The following CTNNA2 variants were observed in gnomAD, a reference collection of about 807,000 sequenced individuals.
The protein encoded by CTNNA2 is catenin alpha-2.
A neutral mutation model predicts 101.0 loss-of-function variants in CTNNA2; 42 were observed. That is an observed-to-expected ratio of 0.42 (90% confidence interval 0.32 to 0.54). The LOEUF (loss-of-function observed/expected upper bound fraction) is 0.54. Ranked by LOEUF, CTNNA2 falls within the 20% of genes least tolerant of loss-of-function variation. The pLI is 0.14. For synonymous variants in CTNNA2, 450 were observed against 456.4 expected (o/e 0.99, Z 0.18); for missense variants, 871 against 1,223.1 (o/e 0.71, Z 4.29).
At chr2:79,516,621 T>A (rs956094074) in intron 1 of CTNNA2, among the ~76,000 whole-genome samples, 1 of 152,164 alleles carries the variant, frequency 6.6e-6, no homozygotes, top group African/African-American at 2.4e-5. Context: ...TAGTGTGGGA[T>A]CCATTTCATT....
chr2:80,199,353 GT>G (rs1356012042), intron 7 of CTNNA2, among the ~76,000 whole-genome samples: 1 of 151,050 alleles, frequency 6.6e-6, no homozygotes, highest in Non-Finnish European at 1.5e-5. Flanking sequence ...ATTGAAGAGA[GT>G]TAAGACATAG....
chr2:79,775,569 C>G (rs1430491358), intron 3 of CTNNA2, among the ~76,000 whole-genome samples: 2 of 152,042 alleles, frequency 1.3e-5, no homozygotes, highest in Non-Finnish European at 2.9e-5. Flanking sequence ...CAACCAATCA[C>G]CAAGGTATTA....
chr2:80,553,113 A>G (rs1383977054), intron 11 of CTNNA2, among the ~76,000 whole-genome samples: 2 of 151,374 alleles, frequency 1.3e-5, no homozygotes, highest in Non-Finnish European at 2.9e-5. Context: ...AATCCCATCT[A>G]CTTGGGAGGC....
chr2:79,838,242 G>A (rs766707667), intron 3 of CTNNA2, among the ~76,000 whole-genome samples: 1 of 152,128 alleles, frequency 6.6e-6, no homozygotes, highest in Non-Finnish European at 1.5e-5. Flanking sequence ...GATTTAAAGT[G>A]TATTATTTGG....
chr2:79,278,441 C>A (rs548789737), intron 2 of CTNNA2, among the ~76,000 whole-genome samples: 5 of 151,644 alleles, frequency 3.3e-5, no homozygotes, highest in African/African-American at 1.2e-4. Context: ...ATTGTAGGGA[C>A]AGCAAAAGCA....
rs578251247 is a variant in CTNNA2 at position 79,221,638 on chromosome 2, T to G, written c.-406+23562T>G. Among the ~76,000 whole-genome samples, 189 of 152,250 alleles carry G rather than the reference T, an allele frequency of 1.2e-3. 3 individuals carry two copies. Among genetic ancestry groups the G allele is most frequent in the Non-Finnish European group, 6.3e-4 (43 of 68,022 alleles). On this transcript the variant is annotated intron_variant, in intron 2 of 21. Coordinates refer to the CTNNA2 transcript ENST00000466387. ...TTTTAAAAAACTGACAAGTCTGTAT[T>G]GTCTCCAGTAGCAAAGACTCACTAG...
intron 7 of CTNNA2, among the ~76,000 whole-genome samples, chr2:79,936,366 G>A (rs1179157680): frequency 6.6e-6 from 1 of 151,854 alleles, no homozygotes; most frequent in Admixed American, 6.6e-5. Context: ...TCATACCTGT[G>A]AAAGGAGGAA....
intron 2 of CTNNA2, among the ~76,000 whole-genome samples, chr2:79,673,140 T>G (rs1362120631): frequency 6.6e-6 from 1 of 152,250 alleles, no homozygotes; most frequent in East Asian, 1.9e-4. Flanking sequence ...GTTTCTAAGA[T>G]TTTTTAAACT....
chr2:79,892,425 A>C (rs185485445), intron 6 of CTNNA2, among the ~76,000 whole-genome samples: 70 of 152,200 alleles, frequency 4.6e-4, no homozygotes, highest in Admixed American at 9.8e-4. Context: ...TTAAAAAAAA[A>C]CCCCACAAAA....
intron 7 of CTNNA2, among the ~76,000 whole-genome samples, chr2:80,146,040 C>T (rs528640125): frequency 6.6e-6 from 1 of 152,298 alleles, no homozygotes; most frequent in East Asian, 1.9e-4. Context: ...GCGGTGGCTG[C>T]TTCCAGCCAT....
At chr2:80,230,234 G>GTC (rs1050180543) in intron 7 of CTNNA2, among the ~76,000 whole-genome samples, 35 of 143,608 alleles carry the variant, frequency 2.4e-4, no homozygotes, top group Middle Eastern at 3.7e-3. Context: ...ATATTTCTTT[G>GTC]TCTCTCTCTC....
chr2:79,727,261 A>G (rs1686904629), intron 2 of CTNNA2, among the ~76,000 whole-genome samples: 1 of 152,210 alleles, frequency 6.6e-6, no homozygotes, highest in Admixed American at 6.5e-5. Context: ...AGCTTGTTAA[A>G]AACACATGAA....
chr2:79,410,766 T>A (rs946564445), intron 4 of CTNNA2, among the ~76,000 whole-genome samples: 1 of 149,272 alleles, frequency 6.7e-6, no homozygotes, highest in Admixed American at 6.7e-5. Flanking sequence ...ATTCTCTTTT[T>A]TGGTTGTGTC....
At chr2:80,539,103 C>T (rs543914472) in intron 9 of CTNNA2, among the ~76,000 whole-genome samples, 101 of 152,138 alleles carry the variant, frequency 6.6e-4, no homozygotes, top group Non-Finnish European at 1.1e-3. Flanking sequence ...ACTGTAACCT[C>T]CACCTCCTCA....
chr2:80,518,079 C>T (rs948015294), intron 9 of CTNNA2, among the ~76,000 whole-genome samples: 1 of 152,200 alleles, frequency 6.6e-6, no homozygotes, highest in Non-Finnish European at 1.5e-5. Flanking sequence ...GAAATGCTGT[C>T]CTTCACTCAA....
chr2:80,271,897 A>T (rs78418899), intron 7 of CTNNA2, among the ~76,000 whole-genome samples: 2,501 of 152,340 alleles, frequency 0.016, 35 homozygotes, highest in South Asian at 0.028. Flanking sequence ...AGAGGATTTC[A>T]TCTGGCCATT....
chr2:79,227,280 A>ACCCAG (rs977292590), intron 2 of CTNNA2, among the ~76,000 whole-genome samples: 94 of 152,278 alleles, frequency 6.2e-4, no homozygotes, highest in African/African-American at 2.2e-3. Flanking sequence ...TATGCAATGA[A>ACCCAG]CCCAGGGGTA....
At chr2:79,532,338 G>A (rs1359663506) in intron 1 of CTNNA2, among the ~76,000 whole-genome samples, 1 of 152,046 alleles carries the variant, frequency 6.6e-6, no homozygotes, top group Non-Finnish European at 1.5e-5. Context: ...TCTGACCCCT[G>A]TGAATTTAGG....
At chr2:79,953,111 T>A (rs1384989791) in intron 7 of CTNNA2, among the ~76,000 whole-genome samples, 1 of 152,150 alleles carries the variant, frequency 6.6e-6, no homozygotes, top group East Asian at 1.9e-4. Context: ...TGTGGGTCCT[T>A]CTGCTGACGT....
Sources: gnomAD v4.1 joint callset for allele counts (sites outside exome capture counted in the v4.1 genomes callset) on GRCh38, gnomAD v4.1.1 for gene constraint, MANE v1.5 for transcripts, NCBI Gene and HGNC (gene_info 2026-07-23, HGNC 2026-07-21) for gene names.